ADAMTSL3: variants seen among roughly 807,000 people sequenced by gnomAD.
ADAMTSL3 encodes ADAMTS like 3.
ADAMTSL3 carries 128 observed loss-of-function variants against 201.7 expected under a neutral mutation model. That is an observed-to-expected ratio of 0.63 (90% CI 0.55 to 0.73). The LOEUF is 0.73. Ranked by LOEUF, ADAMTSL3 falls within the 30% of genes least tolerant of loss-of-function variation. ADAMTSL3 has a pLI of 0.00. For synonymous variants in ADAMTSL3, 738 were observed against 748.4 expected (o/e 0.99, Z 0.23); for missense variants, 1,990 against 2,119.6 (o/e 0.94, Z 1.20).
At chr15:83,826,735 C>T (rs911238269) in intron 6 of ADAMTSL3, among the ~76,000 whole-genome samples, 3 of 148,498 alleles carry the variant, frequency 2.0e-5, no homozygotes, top group African/African-American at 7.4e-5. Context: ...TGTTCAGTTC[C>T]CACCTATGAG....
chr15:83,964,893 C>T (rs2067049477), intron 19 of ADAMTSL3, among the ~76,000 whole-genome samples: 1 of 152,176 alleles, frequency 6.6e-6, no homozygotes, highest in South Asian at 2.1e-4. Context: ...AAAGAATTTT[C>T]AACCCAGAAT....
chr15:83,856,897 A>G (rs952164964), intron 7 of ADAMTSL3, among the ~76,000 whole-genome samples: 3 of 152,084 alleles, frequency 2.0e-5, no homozygotes, highest in African/African-American at 7.2e-5. Flanking sequence ...ACTATTTTCC[A>G]TGGTAGTTGT....
At chr15:83,987,457 C>T (rs892347637) in intron 21 of ADAMTSL3, among the ~76,000 whole-genome samples, 10 of 152,234 alleles carry the variant, frequency 6.6e-5, no homozygotes, top group African/African-American at 2.2e-4. Context: ...TTGGTTCCTG[C>T]CCTTGAAAAG....
chr15:83,859,143 GA>G (rs1172045818), intron 8 of ADAMTSL3, among the ~76,000 whole-genome samples: 1 of 152,208 alleles, frequency 6.6e-6, no homozygotes, highest in Non-Finnish European at 1.5e-5. Flanking sequence ...TAAAGACAGG[GA>G]GATAGAAGTT....
intron 3 of ADAMTSL3, among the ~76,000 whole-genome samples, chr15:83,729,906 G>A (rs553379327): frequency 4.8e-4 from 73 of 152,146 alleles, no homozygotes; most frequent in African/African-American, 1.6e-3. Flanking sequence ...TATTGGGAAG[G>A]CTTTCTAAGT....
chr15:83,985,915 T>C (rs2067466033), intron 21 of ADAMTSL3, among the ~76,000 whole-genome samples: 1 of 151,472 alleles, frequency 6.6e-6, no homozygotes. Context: ...CAGGCATGAG[T>C]CGCCACGCCT....
chr15:83,970,546 CA>C lies in ADAMTSL3; in HGVS notation c.2556del (p.Gly853ValfsTer9), dbSNP rs1260227838. On this transcript the variant is annotated frameshift_variant, in exon 20 of 30. Transcript: ENST00000286744. LOFTEE classifies it high-confidence loss of function. ...AGCAGGTGTGTCAAAGGCTGGCAGCCAAAGGTCGGCGCATCCCCCTCAGTGA... is the reference window on the plus strand; with the variant it reads ...AGCAGGTGTGTCAAAGGCTGGCAGCCAAGGTCGGCGCATCCCCCTCAGTGA... ...RKQVCQRLAA[K>X]GRRIPLSEMM... 1 of 1,614,166 alleles carries C rather than the reference CA, an allele frequency of 6.2e-7. No individual in the cohort carries two copies. The highest frequency in any genetic ancestry group is 2.2e-5 in the East Asian group (1 of 44,874).
chr15:83,916,851 G>T (rs2066043101), intron 16 of ADAMTSL3, among the ~76,000 whole-genome samples: 1 of 152,226 alleles, frequency 6.6e-6, no homozygotes, highest in Non-Finnish European at 1.5e-5. Flanking sequence ...TCTTCACCAA[G>T]TTCTGCACTA....
At chr15:83,842,750 G>C (rs923538269) in intron 7 of ADAMTSL3, among the ~76,000 whole-genome samples, 1 of 152,194 alleles carries the variant, frequency 6.6e-6, no homozygotes, top group Non-Finnish European at 1.5e-5. Flanking sequence ...AACACAGTTT[G>C]AAGAGAGGCT....
Position 83,982,934 on chromosome 15 carries a change from C to A in ADAMTSL3, c.3306C>A (p.Asn1102Lys). 1 of 1,614,090 alleles carries A rather than the reference C, an allele frequency of 6.2e-7. No individual in the cohort carries two copies. ...CCCAGTTTGATGAGCTGATAAGAAA[C>A]ATGAGTCAGCTCATGGAAACCGGAG... is the stretch of plus-strand genomic sequence containing the variant. The part of the protein sequence containing the change: ...DTAQFDELIR[N>K]MSQLMETGEV... Residue 1102 changes from asparagine (N) to lysine (K), a missense_variant, in exon 21 of 30, where the codon AAC becomes AAA. Physicochemically the swap from Asn to Lys is moderately conservative, Grantham distance 94 (BLOSUM62 0). Transcript: ENST00000286744.
rs898567779 is a variant in ADAMTSL3 at position 83,654,915 on chromosome 15, C to A, written c.-34+639C>A. On this transcript the variant is annotated intron_variant, in intron 1 of 29. Coordinates refer to ENST00000286744, the MANE Select transcript of ADAMTSL3 (RefSeq NM_207517.3). The surrounding 1 kb of genome is among the most constrained non-coding windows in gnomAD (Gnocchi z 5.3). ...CATTAGACCAGGCCCTTAATGCCTT[C>A]TCCAGATGGAGAGAAGCCACCGACC... Among the ~76,000 whole-genome samples the A allele has an allele frequency of 6.6e-6, 1 of 152,222 alleles. No homozygotes were observed. Among genetic ancestry groups the A allele is most frequent in the African/African-American group, 2.4e-5 (1 of 41,460 alleles).
At chr15:83,745,975 G>T (rs889178477) in intron 3 of ADAMTSL3, among the ~76,000 whole-genome samples, 1 of 152,104 alleles carries the variant, frequency 6.6e-6, no homozygotes, top group African/African-American at 2.4e-5. Context: ...GTTGTCAGCT[G>T]CAGGGAACAT....
chr15:84,029,781 G>T (rs1049227570), intron 27 of ADAMTSL3, among the ~76,000 whole-genome samples: 33 of 152,348 alleles, frequency 2.2e-4, no homozygotes, highest in African/African-American at 7.7e-4. Context: ...CACATACCCT[G>T]AGGCATAGGA....
chr15:83,799,364 T>C (rs2063482160), intron 4 of ADAMTSL3, among the ~76,000 whole-genome samples: 1 of 152,196 alleles, frequency 6.6e-6, no homozygotes, highest in East Asian at 1.9e-4. Context: ...ATTTCAGAAT[T>C]TGATTACTTT....
At chr15:83,759,740 C>G (rs1330294562) in intron 3 of ADAMTSL3, among the ~76,000 whole-genome samples, 3 of 152,244 alleles carry the variant, frequency 2.0e-5, no homozygotes, top group South Asian at 4.1e-4. Flanking sequence ...TGTGGCAGCT[C>G]TGGAGGGTAA....
At chr15:84,019,072 CACAT>C (rs2068144020) in intron 25 of ADAMTSL3, among the ~76,000 whole-genome samples, 5 of 129,806 alleles carry the variant, frequency 3.9e-5, no homozygotes, top group African/African-American at 8.7e-5. Flanking sequence ...CCACCACACA[CACAT>C]ACACACACAC....
In ADAMTSL3 at chr15:83,870,948, T is replaced by G. The variant is rs1284137959; in HGVS notation, c.949T>G (p.Phe317Val). Residue 317 changes from phenylalanine (F) to valine (V), a missense_variant, in exon 9 of 30, where the codon TTC becomes GTC. Coordinates refer to ENST00000286744, the MANE Select transcript of ADAMTSL3 (RefSeq NM_207517.3). Reference protein sequence around the residue: ...FKIPGPLMADFIFKTRYTAAK... With the variant: ...FKIPGPLMADVIFKTRYTAAK... ...GATTCCAGGACCTCTGATGGCTGATTTCATCTTCAAGGTAGGATGATCCTC... is the reference window on the plus strand; with the variant it reads ...GATTCCAGGACCTCTGATGGCTGATGTCATCTTCAAGGTAGGATGATCCTC... The G allele has an allele frequency of 6.2e-7, 1 of 1,612,874 alleles. No homozygotes were observed. Among genetic ancestry groups the G allele is most frequent in the Non-Finnish European group, 8.5e-7 (1 of 1,179,716 alleles).
chr15:84,029,933 C>T (rs898008802), intron 27 of ADAMTSL3, among the ~76,000 whole-genome samples: 1 of 152,364 alleles, frequency 6.6e-6, no homozygotes, highest in African/African-American at 2.4e-5. Context: ...AGCCCCAACC[C>T]TTGGCAGCTT....
At chr15:83,835,576 C>G (rs574031069) in intron 6 of ADAMTSL3, among the ~76,000 whole-genome samples, 3 of 152,270 alleles carry the variant, frequency 2.0e-5, no homozygotes, top group East Asian at 3.9e-4. Flanking sequence ...GAGAGTGATT[C>G]TCATTCTCAT....
Sources: gnomAD v4.1 joint callset for allele counts (sites outside exome capture counted in the v4.1 genomes callset) on GRCh38, gnomAD v4.1.1 for gene constraint, Gnocchi (gnomAD v3.1) non-coding constraint, MANE v1.5 for transcripts, NCBI Gene and HGNC (gene_info 2026-07-23, HGNC 2026-07-21) for gene names.